CCDC15: variants seen among roughly 807,000 people sequenced by gnomAD.
CCDC15 encodes coiled-coil domain-containing protein 15.
Under a neutral mutation model 114.5 loss-of-function variants are expected in CCDC15, and 105 were observed. That is an observed-to-expected ratio of 0.92 (90% CI 0.78 to 1.08). The LOEUF is 1.08. Ranked by LOEUF, CCDC15 falls within the 50% of genes least tolerant of loss-of-function variation. CCDC15 has a pLI of 0.00. For missense variants in CCDC15, 1,105 were observed against 1,093.6 expected (o/e 1.01, Z -0.15); for synonymous variants, 334 against 377.8 (o/e 0.88, Z 1.34).
intron 4 of CCDC15, 61 bp from the exon 5 acceptor site, chr11:124,975,035 G>T: frequency 4.9e-6 from 5 of 1,013,884 alleles, no homozygotes; most frequent in Non-Finnish European, 5.8e-6. Context: ...GGAACACTTA[G>T]TGCATTTGGA....
intron 6 of CCDC15, among the ~76,000 whole-genome samples, chr11:124,982,797 G>A (rs1257021746): frequency 2.6e-5 from 4 of 152,244 alleles, no homozygotes; most frequent in African/African-American, 9.6e-5. Context: ...GTAGTATTTT[G>A]CAGGGGTTCT....
intron 13 of CCDC15, 59 bp from the exon 14 acceptor site, chr11:125,038,372 A>C: frequency 9.0e-7 from 1 of 1,114,104 alleles, no homozygotes; most frequent in Non-Finnish European, 1.2e-6. Flanking sequence ...TGGATAAAGA[A>C]GCTAATTTTA....
intron 4 of CCDC15, among the ~76,000 whole-genome samples, chr11:124,972,511 A>G (rs374897847): frequency 6.6e-6 from 1 of 152,092 alleles, no homozygotes; most frequent in Non-Finnish European, 1.5e-5. Context: ...CCTGGGTTCT[A>G]TGTTTTTGTT....
intron 13 of CCDC15, among the ~76,000 whole-genome samples, chr11:125,030,609 G>C (rs1469631468): frequency 6.6e-6 from 1 of 152,198 alleles, no homozygotes; most frequent in African/African-American, 2.4e-5. Flanking sequence ...TAATCAGCCT[G>C]CCACCAGGTA....
chr11:124,967,592 G>A (rs564258149), intron 4 of CCDC15, among the ~76,000 whole-genome samples: 2 of 152,212 alleles, frequency 1.3e-5, no homozygotes, highest in East Asian at 1.9e-4. Context: ...CCTTTAGCTC[G>A]GAGAAGTTTG....
intron 8 of CCDC15, among the ~76,000 whole-genome samples, chr11:124,989,783 G>GT (rs202200305): frequency 0.013 from 1,984 of 152,272 alleles, 15 homozygotes; most frequent in Non-Finnish European, 0.021. Context: ...TTCTTCTGTA[G>GT]TTTTTTCACT....
Position 124,992,593 on chromosome 11 carries a change from T to C in CCDC15, c.2045T>C (p.Phe682Ser). ...DDIKNQQPAS[F>S]MREERVREEL... ...ATGTTTCTCAAGCAACCTGCATCTT[T>C]TATGAGAGAAGAAAGAGTGAGAGAA... Residue 682 changes from phenylalanine (F) to serine (S), a missense_variant, in exon 10 of 16, where the codon TTT becomes TCT. Transcript: ENST00000344762. 6.3e-7 allele frequency: 1 copy of C among 1,593,178 alleles called. No homozygotes were observed. The highest frequency in any genetic ancestry group is 1.1e-5 in the South Asian group (1 of 87,478).
chr11:125,035,737 T>C (rs570529952), intron 13 of CCDC15, among the ~76,000 whole-genome samples: 1 of 152,296 alleles, frequency 6.6e-6, no homozygotes, highest in African/African-American at 2.4e-5. Context: ...GTGTTATCTG[T>C]TGTATGTTTC....
chr11:124,995,012 A>G (rs1262494770), intron 11 of CCDC15, among the ~76,000 whole-genome samples: 1 of 152,296 alleles, frequency 6.6e-6, no homozygotes, highest in South Asian at 2.1e-4. Flanking sequence ...TGCGGTTTTC[A>G]GGACTGAACT....
intron 4 of CCDC15, among the ~76,000 whole-genome samples, chr11:124,962,977 A>G (rs1028285746): frequency 6.6e-6 from 1 of 152,116 alleles, no homozygotes; most frequent in Non-Finnish European, 1.5e-5. Flanking sequence ...AAGGACATGA[A>G]CTCATCCTTT....
intron 11 of CCDC15, among the ~76,000 whole-genome samples, chr11:124,995,246 T>A (rs1352304254): frequency 6.6e-6 from 1 of 152,170 alleles, no homozygotes; most frequent in Non-Finnish European, 1.5e-5. Flanking sequence ...TGTCACCTCC[T>A]TGGAAAAGGC....
intron 4 of CCDC15, among the ~76,000 whole-genome samples, chr11:124,966,952 T>C (rs1170980531): frequency 1.3e-5 from 2 of 152,242 alleles, no homozygotes; most frequent in Non-Finnish European, 2.9e-5. Context: ...TCTATAAGAA[T>C]GTTGAATATT....
intron 12 of CCDC15, among the ~76,000 whole-genome samples, chr11:125,004,222 A>G (rs901308016): frequency 6.6e-6 from 1 of 151,898 alleles, no homozygotes; most frequent in Non-Finnish European, 1.5e-5. Context: ...ACTATAACTT[A>G]TTTAAAGGAA....
chr11:124,994,657 G>C (rs2135498098), intron 11 of CCDC15, among the ~76,000 whole-genome samples: 1 of 152,158 alleles, frequency 6.6e-6, no homozygotes, highest in Non-Finnish European at 1.5e-5. Flanking sequence ...CATAAGGCAG[G>C]CTCACCAAGA....
intron 11 of CCDC15, among the ~76,000 whole-genome samples, chr11:125,001,925 T>TG (rs1216173906): frequency 6.6e-6 from 1 of 152,148 alleles, no homozygotes; most frequent in Non-Finnish European, 1.5e-5. Context: ...TACCTCATAG[T>TG]GGAATTGGTG....
At chr11:125,011,468 C>G (rs1206257236) in intron 13 of CCDC15, among the ~76,000 whole-genome samples, 5 of 151,914 alleles carry the variant, frequency 3.3e-5, no homozygotes, top group African/African-American at 1.2e-4. Context: ...GAACTCCTGA[C>G]CTCGTGATCC....
intron 4 of CCDC15, among the ~76,000 whole-genome samples, chr11:124,960,663 A>G (rs1947643784): frequency 6.6e-6 from 1 of 152,152 alleles, no homozygotes; most frequent in African/African-American, 2.4e-5. Flanking sequence ...GAGTTTTTGG[A>G]AAAATGTAAT....
In CCDC15 at chr11:125,006,882, T is replaced by C. The variant is rs569892175; in HGVS notation, c.2411+1670T>C. Reference sequence around the variant, plus strand: ...GGTTCTCTGTTCTGTTCCATTGATCTATTTGTCTATTCTTTTGCCATACCA... The same window carrying C: ...GGTTCTCTGTTCTGTTCCATTGATCCATTTGTCTATTCTTTTGCCATACCA... On this transcript the variant is annotated intron_variant, in intron 13 of 15. Coordinates refer to ENST00000344762, the MANE Select transcript of CCDC15 (RefSeq NM_025004.3). 6.3e-4 allele frequency among the ~76,000 whole-genome samples: 96 copies of C among 152,362 alleles called. No homozygotes were observed. The South Asian group carries it at 0.019, about 30-fold the overall frequency.
At chr11:124,983,289 C>A (rs766609451) in intron 6 of CCDC15, among the ~76,000 whole-genome samples, 6 of 152,120 alleles carry the variant, frequency 3.9e-5, no homozygotes, top group Non-Finnish European at 7.4e-5. Flanking sequence ...TTCCTGTTAT[C>A]TCAACCATTT....
Sources: gnomAD v4.1 joint callset for allele counts (sites outside exome capture counted in the v4.1 genomes callset) on GRCh38, gnomAD v4.1.1 for gene constraint, MANE v1.5 for transcripts, NCBI Gene and HGNC (gene_info 2026-07-23, HGNC 2026-07-21) for gene names.